Variants in CDC25B observed in about 807,000 individuals in gnomAD.
CDC25B encodes the protein M-phase inducer phosphatase 2.
CDC25B carries 33 observed loss-of-function variants against 69.8 expected under a neutral mutation model. The ratio of observed to expected loss-of-function variants is 0.47; its 90% CI spans 0.36 to 0.63. The LOEUF is 0.63. Ranked by LOEUF, CDC25B falls within the 30% of genes least tolerant of loss-of-function variation. The pLI, the probability that CDC25B is intolerant of heterozygous loss-of-function variation, is 0.00. For synonymous variants in CDC25B, 341 were observed against 314.6 expected (o/e 1.08, Z -0.89); for missense variants, 727 against 809.1 (o/e 0.90, Z 1.23).
At chr20:3,802,181 G>T in intron 10 of CDC25B, 81 bp downstream of exon 10, 2 of 1,548,126 alleles carry the variant, frequency 1.3e-6, no homozygotes, top group Non-Finnish European at 8.8e-7. Flanking sequence ...CAGAGGGCAG[G>T]TGGCAGCCTG....
chr20:3,799,528 G>A (rs1367867498), intron 3 of CDC25B, among the ~76,000 whole-genome samples: 3 of 51,372 alleles, frequency 5.8e-5, no homozygotes, highest in Non-Finnish European at 8.0e-5. Context: ...GTGTGTGTGC[G>A]CGCGCGCGCG....
chr20:3,801,124 G>A, intron 7 of CDC25B, 31 bp downstream of exon 7: 1 of 1,611,390 alleles, frequency 6.2e-7, no homozygotes, highest in Non-Finnish European at 8.5e-7. Context: ...CCTGGGAGGG[G>A]CCTGGGGAGG....
chr20:3,806,040 C>T lies in CDC25B; in HGVS notation c.*1079C>T. 2.5e-6 allele frequency: 1 copy of T among 398,050 alleles called. No individual in the cohort carries two copies. Among genetic ancestry groups the T allele is most frequent in the Non-Finnish European group, 4.4e-6 (1 of 225,844 alleles). The allele number at this position is 398,050 out of a possible 1,614,324, so 24.7% of individuals were successfully genotyped here. A position where few individuals can be genotyped will look rare whatever the true frequency, so the allele number is the denominator to read the frequency against. ...TGGATTCTGAATCTCAAGATGGGGG[C>T]AGGGCTGTGCTTGAAGGCCCTGCTG... On this transcript the variant is annotated 3_prime_UTR_variant, in exon 16 of 16. Transcript: ENST00000245960.
At chr20:3,795,386 A>T (rs2089002978), upstream of CDC25B, among the ~76,000 whole-genome samples, 1 of 149,186 alleles carries the variant, frequency 6.7e-6, no homozygotes. Flanking sequence ...ACAAAAAGAA[A>T]GATAATTGGA....
Position 3,800,767 on chromosome 20 carries a change from G to A in CDC25B, c.484G>A (p.Val162Met), listed in dbSNP as rs375465916. The A allele has an allele frequency of 5.2e-5, 83 of 1,610,702 alleles. 1 individual carries two copies. In the South Asian group the frequency reaches 5.3e-4, roughly 10 times the overall value. The change falls in exon 6 of 16, where the codon GTG becomes ATG. Residue 162 changes from valine (V) to methionine (M), a missense_variant. By Grantham distance (21) the Val-to-Met change is conservative. Transcript: ENST00000245960. ...GGTGAGGCTGCTGGGCCACAGCCCCGTGCTTCGGAACATCACCAACTCCCA... is the reference window on the plus strand; with the variant it reads ...GGTGAGGCTGCTGGGCCACAGCCCCATGCTTCGGAACATCACCAACTCCCA... Reference protein sequence around the residue: ...MPVRLLGHSPVLRNITNSQAP... With the variant: ...MPVRLLGHSPMLRNITNSQAP...
chr20:3,789,623 G>A (rs376327536), intron 1 of CDC25B, among the ~76,000 whole-genome samples: 24 of 151,982 alleles, frequency 1.6e-4, no homozygotes, highest in African/African-American at 5.8e-4. Flanking sequence ...TGCCTACCTT[G>A]GCCTCCCAAA....
intron 1 of CDC25B, 28 bp downstream of exon 1, chr20:3,796,759 G>T (rs752390031): frequency 1.3e-6 from 2 of 1,540,194 alleles, no homozygotes; most frequent in Non-Finnish European, 1.7e-6. Context: ...GGCTGCATAT[G>T]GGGGTGAGAG....
At chr20:3,800,650 A>C (rs2089243523) in intron 5 of CDC25B, 93 bp from the exon 6 acceptor site, 1 of 1,592,632 alleles carries the variant, frequency 6.3e-7, no homozygotes, top group African/African-American at 1.3e-5. Flanking sequence ...AAGTGGGAGG[A>C]GCTGGAGGAG....
intron 1 of CDC25B, among the ~76,000 whole-genome samples, chr20:3,788,973 C>T (rs866970952): frequency 9.9e-5 from 15 of 152,230 alleles, no homozygotes; most frequent in South Asian, 6.2e-4. Context: ...AGAAAAGCCA[C>T]GCCCATCATA....
At chr20:3,796,845 A>G in intron 1 of CDC25B, 114 bp downstream of exon 1, 1 of 1,362,576 alleles carries the variant, frequency 7.3e-7, no homozygotes, top group Non-Finnish European at 9.7e-7. Context: ...CCGGGGAGGC[A>G]TCCTGAGCAG....
chr20:3,796,789 G>A (rs1163785582), intron 1 of CDC25B, 58 bp downstream of exon 1: 2 of 1,506,608 alleles, frequency 1.3e-6, no homozygotes, highest in Non-Finnish European at 8.8e-7. Context: ...GGAGTCCTGG[G>A]CCTCCTGGAG....
rs2089221095 is a variant in CDC25B, at chr20:3,800,161, C to T, written c.381-127C>T. 7 of 758,460 alleles carry T rather than the reference C, an allele frequency of 9.2e-6. No homozygotes were observed. The South Asian group carries it at 1.2e-4, about 13-fold the overall frequency. The allele number at this position is 758,460 out of a possible 1,614,324, so 47.0% of individuals were successfully genotyped here. On this transcript the variant is annotated intron_variant, in intron 3 of 15. Transcript: ENST00000245960. ...TGGTGGGCGTTCTTCCCACCCCACC[C>T]CTTCCACTGCCTTGAGCCTTGGCCC...
chr20:3,804,185 T>C (rs2146705843), intron 14 of CDC25B, among the ~76,000 whole-genome samples: 1 of 152,222 alleles, frequency 6.6e-6, no homozygotes, highest in East Asian at 1.9e-4. Context: ...CAGTCTTGGG[T>C]CCTCCTCCTC....
chr20:3,797,240 C>T (rs1489554175), intron 1 of CDC25B, among the ~76,000 whole-genome samples: 1 of 152,202 alleles, frequency 6.6e-6, no homozygotes, highest in Non-Finnish European at 1.5e-5. Flanking sequence ...GTAGGAGAAC[C>T]TGGTCTTGGT....
chr20:3,799,068 C>T (rs2089169950), intron 3 of CDC25B, among the ~76,000 whole-genome samples: 1 of 152,198 alleles, frequency 6.6e-6, no homozygotes, highest in South Asian at 2.1e-4. Flanking sequence ...TTCCAGAGCA[C>T]AGCTGTTCCC....
rs769335539 is a variant in CDC25B at position 3,797,622 on chromosome 20, C to A, written c.201C>A (p.Ser67Arg). ...TCCCGGGTCCCTGTTCCCTTCCCAG[C>A]GAAACCCCAAAGAGTCAGGTAGGGA... ...QTMHDLAGLG[S>R]ETPKSQVGTL... The change falls in exon 2 of 16, where the codon AGC becomes AGA. Residue 67 changes from serine to arginine, a missense_variant and splice_region_variant. By Grantham distance (110) the Ser-to-Arg change is moderately radical. Around this residue, in one of 2 missense-constraint regions of CDC25B, gnomAD observed 368 missense variants for 345.6 expected, o/e 1.06. Coordinates refer to ENST00000245960, the MANE Select transcript of CDC25B (RefSeq NM_021873.4). The A allele has an allele frequency of 1.7e-5, 28 of 1,613,934 alleles. No individual in the cohort carries two copies. The East Asian group carries it at 4.5e-4, about 26-fold the overall frequency.
rs1288514070 is a variant in CDC25B at position 3,804,432 on chromosome 20, T to C, written c.1491-137T>C. ...AGCCAGAGTGACCTAAAAGTGTTCTTGTGGTTACATTCCTGTGCTCTAAAG... is the reference window on the plus strand; with the variant it reads ...AGCCAGAGTGACCTAAAAGTGTTCTCGTGGTTACATTCCTGTGCTCTAAAG... On this transcript the variant is annotated intron_variant, in intron 14 of 15. Transcript: ENST00000245960. 7.7e-6 allele frequency: 5 copies of C among 650,910 alleles called. 1 individual carries two copies. The highest frequency in any genetic ancestry group is 5.0e-5 in the East Asian group (2 of 39,966). 40.3% of individuals were successfully genotyped at this position (650,910 alleles called of 1,614,324 possible).
intron 3 of CDC25B, among the ~76,000 whole-genome samples, chr20:3,799,911 G>C (rs1163016442): frequency 6.6e-6 from 1 of 152,142 alleles, no homozygotes; most frequent in Non-Finnish European, 1.5e-5. Flanking sequence ...AGGATGGATG[G>C]ATGCCTTTCC....
intron 1 of CDC25B, among the ~76,000 whole-genome samples, chr20:3,788,714 C>G (rs577462789): frequency 1.3e-5 from 2 of 152,256 alleles, no homozygotes; most frequent in East Asian, 3.9e-4. Flanking sequence ...TGCATCTTTT[C>G]TTTCTTTCCT....
Sources: allele counts gnomAD v4.1 joint callset (sites outside exome capture counted in the v4.1 genomes callset), GRCh38; gene constraint gnomAD v4.1.1; regional missense constraint gnomAD v4.1.1; transcripts MANE v1.5; gene names NCBI Gene and HGNC (gene_info 2026-07-23, HGNC 2026-07-21).